The following SAMD10 variants were observed in gnomAD, a reference collection of about 807,000 sequenced individuals.
SAMD10 encodes the protein sterile alpha motif domain containing 10.
A neutral mutation model predicts 22.5 loss-of-function variants in SAMD10; 16 were observed. The observed-to-expected ratio is 0.71, with a 90% CI of 0.48 to 1.08. The LOEUF (loss-of-function observed/expected upper bound fraction) is 1.08, where lower values mean the gene tolerates loss of function less well. Among genes scored for constraint, SAMD10 ranks in the 50% least tolerant of loss-of-function variants. SAMD10 has a pLI of 0.00. For synonymous variants in SAMD10, 118 were observed against 122.2 expected (o/e 0.97, Z 0.23); for missense variants, 227 against 281.3 (o/e 0.81, Z 1.38).
At chr20:63,976,942 C>T (rs1601498801) in intron 3 of SAMD10, 29 bp downstream of exon 3, 16 of 1,612,208 alleles carry the variant, frequency 9.9e-6, no homozygotes, top group Non-Finnish European at 1.3e-5. Context: ...GTTAGCCCCA[C>T]TCCCACAGCA....
At position 63,975,834 on chromosome 20, in the gene SAMD10, T is replaced by C. The variant is rs2122928469; in HGVS notation, c.446-2A>G. On this transcript the variant is annotated splice_acceptor_variant, in intron 3 of 4. Coordinates refer to ENST00000369886, the MANE Select transcript of SAMD10 (RefSeq NM_080621.5). LOFTEE classifies it high-confidence loss of function. The stretch of plus-strand genomic sequence containing the variant: ...CATTCAGCCGCAGCAGTGCCCGGCC[T>C]GGGGAGAGGAAAGAGGGGCTGAGCT... The C allele has an allele frequency of 6.3e-7, 1 of 1,591,228 alleles. No individual in the cohort carries two copies. The highest frequency in any genetic ancestry group is 2.3e-5 in the East Asian group (1 of 44,206).
intron 3 of SAMD10, among the ~76,000 whole-genome samples, chr20:63,976,066 G>A (rs2059020077): frequency 6.6e-6 from 1 of 152,196 alleles, no homozygotes; most frequent in African/African-American, 2.4e-5. Flanking sequence ...CCAGCTACTC[G>A]GGAGGCTGAG....
Position 63,979,312 on chromosome 20 carries a change from C to CCGG in SAMD10, c.91+64_91+65insCCG. ...AGCCCGCCGGGTCCCGCCCCGCCCC[C>CCGG]GTGCCTCTGGGTCCCTGAGACCCCC... On this transcript the variant is annotated intron_variant, in intron 1 of 4. Coordinates refer to ENST00000369886, the MANE Select transcript of SAMD10 (RefSeq NM_080621.5). The surrounding 1 kb of genome is among the most constrained non-coding windows in gnomAD (Gnocchi z 7.7). 8.5e-7 allele frequency: 1 copy of CCGG among 1,171,182 alleles called. No homozygotes were observed. Among genetic ancestry groups the CCGG allele is most frequent in the Non-Finnish European group, 1.1e-6 (1 of 877,368 alleles). 72.5% of individuals were successfully genotyped at this position (1,171,182 alleles called of 1,614,324 possible).
chr20:63,974,993 G>A lies in SAMD10; in HGVS notation c.*517C>T. ...CTCTAGATGATGGGTTGGCCTGCTG[G>A]GCCCTGGCAGGTGCATGGGCACAAG... On this transcript the variant is annotated 3_prime_UTR_variant, in exon 5 of 5. Coordinates refer to ENST00000369886, the MANE Select transcript of SAMD10 (RefSeq NM_080621.5). 5.8e-6 allele frequency: 1 copy of A among 171,806 alleles called. No individual in the cohort carries two copies. Among genetic ancestry groups the A allele is most frequent in the Non-Finnish European group, 1.2e-5 (1 of 81,040 alleles). The allele number at this position is 171,806 out of a possible 1,614,324, so 10.6% of individuals were successfully genotyped here. A position where few individuals can be genotyped will look rare whatever the true frequency, so the allele number is the denominator to read the frequency against.
chr20:63,979,821 C>T, upstream of SAMD10: 1 of 375,170 alleles, frequency 2.7e-6, no homozygotes, highest in Non-Finnish European at 3.7e-6. The surrounding 1 kb of genome is among the most constrained non-coding windows in gnomAD (Gnocchi z 7.7). Flanking sequence ...TGGGGGTGGG[C>T]TGAGGGGCAT....
At chr20:63,976,488 C>T (rs746975555) in intron 3 of SAMD10, among the ~76,000 whole-genome samples, 8 of 151,206 alleles carry the variant, frequency 5.3e-5, no homozygotes, top group Middle Eastern at 3.5e-3. Context: ...GAGGTCCGGA[C>T]GCAGTGGCTC....
chr20:63,979,604 G>T lies in SAMD10; in HGVS notation c.-137C>A. 1.0e-6 allele frequency: 1 copy of T among 984,550 alleles called. No homozygotes were observed. The highest frequency in any genetic ancestry group is 4.6e-5 in the South Asian group (1 of 21,758). The allele number at this position is 984,550 out of a possible 1,614,324, so 61.0% of individuals were successfully genotyped here. A position where few individuals can be genotyped will look rare whatever the true frequency, so the allele number is the denominator to read the frequency against. On this transcript the variant is annotated 5_prime_UTR_variant, in exon 1 of 5. Transcript: ENST00000369886. This position sits in a 1 kb window ranked among gnomAD's most constrained non-coding sequence, Gnocchi z 7.7. ...GCCCGAGCCGGTCCCCGCGGCCCGC[G>T]AGTGTGCGCGACGAGGCACCTGCCG...
At position 63,975,271 on chromosome 20, in the gene SAMD10, T is replaced by G; in HGVS notation, c.*239A>C. 1 of 546,512 alleles carries G rather than the reference T, an allele frequency of 1.8e-6. No individual in the cohort carries two copies. The allele number at this position is 546,512 out of a possible 1,614,324, so 33.9% of individuals were successfully genotyped here. A position where few individuals can be genotyped will look rare whatever the true frequency, so the allele number is the denominator to read the frequency against. On this transcript the variant is annotated 3_prime_UTR_variant, in exon 5 of 5. Coordinates refer to ENST00000369886, the MANE Select transcript of SAMD10 (RefSeq NM_080621.5). ...CACCAGGGGAGGGCTTGGGCTCAGG[T>G]CCCAGGAGGTGGGGCCACACTCAAG...
chr20:63,976,764 C>CAAAAAAAAAAAAAAAAAAAAAAAA lies in SAMD10; in HGVS notation c.445+183_445+206dup, dbSNP rs60461303. On this transcript the variant is annotated intron_variant, in intron 3 of 4. Coordinates refer to ENST00000369886, the MANE Select transcript of SAMD10 (RefSeq NM_080621.5). Reference sequence around the variant, plus strand: ...CAACAGGAGTAAATCTCTGTCTCACCAAAAAAAAAAAAAAAAAAAAAAAAA... The same window carrying CAAAAAAAAAAAAAAAAAAAAAAAA: ...CAACAGGAGTAAATCTCTGTCTCACCAAAAAAAAAAAAAAAAAAAAAAAAAAAAAAAAAAAAAAAAAAAAAAAAA... Among the ~76,000 whole-genome samples, 2 of 63,894 alleles carry CAAAAAAAAAAAAAAAAAAAAAAAA rather than the reference C, an allele frequency of 3.1e-5. 1 individual carries two copies. Among genetic ancestry groups the CAAAAAAAAAAAAAAAAAAAAAAAA allele is most frequent in the African/African-American group, 1.3e-4 (2 of 14,912 alleles). 41.9% of individuals were successfully genotyped at this position (63,894 alleles called of 152,430 possible).
chr20:63,979,181 C>T lies in SAMD10; in HGVS notation c.91+196G>A, dbSNP rs2059045418. 6.6e-6 allele frequency among the ~76,000 whole-genome samples: 1 copy of T among 152,230 alleles called. No individual in the cohort carries two copies. The highest frequency in any genetic ancestry group is 1.5e-5 in the Non-Finnish European group (1 of 67,990). The stretch of plus-strand genomic sequence containing the variant: ...CCCCTCACCCCAAGCCAAGGGCGCG[C>T]TGACCCCCAAGGCCTGAGGCTGGCT... On this transcript the variant is annotated intron_variant, in intron 1 of 4. Coordinates refer to ENST00000369886, the MANE Select transcript of SAMD10 (RefSeq NM_080621.5). This position sits in a 1 kb window ranked among gnomAD's most constrained non-coding sequence, Gnocchi z 7.7.
At chr20:63,975,925 C>T in intron 3 of SAMD10, 93 bp from the exon 4 acceptor site, 3 of 1,377,898 alleles carry the variant, frequency 2.2e-6, no homozygotes, top group Non-Finnish European at 2.8e-6. Context: ...GTGATCCCAG[C>T]ACTTTGGGAG....
intron 1 of SAMD10, among the ~76,000 whole-genome samples, chr20:63,978,580 A>G (rs2059040613): frequency 6.6e-6 from 1 of 152,072 alleles, no homozygotes; most frequent in Non-Finnish European, 1.5e-5. Flanking sequence ...TGAAAACCAC[A>G]TCCTACTTCC....
intron 1 of SAMD10, among the ~76,000 whole-genome samples, chr20:63,978,063 C>T (rs184568135): frequency 1.3e-5 from 2 of 152,394 alleles, no homozygotes; most frequent in African/African-American, 2.4e-5. Context: ...GCCTGCAGCC[C>T]GGGACAACAC....
Position 63,974,272 on chromosome 20 carries a change from CT to C in SAMD10, c.*1237del, listed in dbSNP as rs908508143. The C allele has an allele frequency of 1.3e-5, 2 of 152,560 alleles. No homozygotes were observed. 9.5% of individuals were successfully genotyped at this position (152,560 alleles called of 1,614,324 possible). ...GGCAGAAGGGCCCCTTGGGCGAAGG[CT>C]GATGGTGGGAGGCGGGCAGAATACT... is the stretch of plus-strand genomic sequence containing the variant. On this transcript the variant is annotated 3_prime_UTR_variant, in exon 5 of 5. Coordinates refer to ENST00000369886, the MANE Select transcript of SAMD10 (RefSeq NM_080621.5).
chr20:63,979,295 G>T lies in SAMD10; in HGVS notation c.91+82C>A. 2 of 1,041,566 alleles carry T rather than the reference G, an allele frequency of 1.9e-6. No individual in the cohort carries two copies. The highest frequency in any genetic ancestry group is 1.3e-6 in the Non-Finnish European group (1 of 776,548). 64.5% of individuals were successfully genotyped at this position (1,041,566 alleles called of 1,614,324 possible). On this transcript the variant is annotated intron_variant, in intron 1 of 4. Coordinates refer to ENST00000369886, the MANE Select transcript of SAMD10 (RefSeq NM_080621.5). The surrounding 1 kb of genome is among the most constrained non-coding windows in gnomAD (Gnocchi z 7.7). ...CAGCCACCGCCGCTCGAAGCCCGCCGGGTCCCGCCCCGCCCCCGTGCCTCT... is the reference window on the plus strand; with the variant it reads ...CAGCCACCGCCGCTCGAAGCCCGCCTGGTCCCGCCCCGCCCCCGTGCCTCT...
chr20:63,979,615 A>G lies in SAMD10; in HGVS notation c.-148T>C, dbSNP rs2122949370. The G allele has an allele frequency of 1.0e-6, 1 of 984,706 alleles. No homozygotes were observed. The highest frequency in any genetic ancestry group is 1.2e-6 in the Non-Finnish European group (1 of 829,974). The allele number at this position is 984,706 out of a possible 1,614,324, so 61.0% of individuals were successfully genotyped here. ...TCCCCGCGGCCCGCGAGTGTGCGCG[A>G]CGAGGCACCTGCCGCCGAGCCCTGT... On this transcript the variant is annotated 5_prime_UTR_variant, in exon 1 of 5. Transcript: ENST00000369886. The surrounding 1 kb of genome is among the most constrained non-coding windows in gnomAD (Gnocchi z 7.7).
In SAMD10 at chr20:63,977,135, A is replaced by T. The variant is rs1365506906; in HGVS notation, c.281T>A (p.Leu94Gln). 4.3e-6 allele frequency: 7 copies of T among 1,613,130 alleles called. No homozygotes were observed. Among genetic ancestry groups the T allele is most frequent in the Non-Finnish European group, 5.9e-6 (7 of 1,179,562 alleles). The change falls in exon 3 of 5, where the codon CTG (leucine) becomes CAG (glutamine). Residue 94 changes from leucine (L) to glutamine (Q), a missense_variant. Physicochemically the swap from Leu to Gln is moderately radical, Grantham distance 113. Coordinates refer to ENST00000369886, the MANE Select transcript of SAMD10 (RefSeq NM_080621.5). This position sits in a 1 kb window ranked among gnomAD's most constrained non-coding sequence, Gnocchi z 5.4. ...QPGTDTPQGR[L>Q]YSDHYGLYHT... Reference sequence around the variant, plus strand: ...GTACAGGCCATAGTGGTCAGAGTACAGCCGGCCCTGCAGGGGAGGGGCGTG... The same window carrying T: ...GTACAGGCCATAGTGGTCAGAGTACTGCCGGCCCTGCAGGGGAGGGGCGTG...
chr20:63,977,424 T>C lies in SAMD10; in HGVS notation c.92-18A>G, dbSNP rs772027365. On this transcript the variant is annotated intron_variant, in intron 1 of 4. Transcript: ENST00000369886. This position sits in a 1 kb window ranked among gnomAD's most constrained non-coding sequence, Gnocchi z 5.4. ...GGCAGTGGCTGTGTGTGGGGGTGCCTGGTCAGGGCAGTCAAGGGCAGAACC... is the reference window on the plus strand; with the variant it reads ...GGCAGTGGCTGTGTGTGGGGGTGCCCGGTCAGGGCAGTCAAGGGCAGAACC... 16 of 1,611,120 alleles carry C rather than the reference T, an allele frequency of 9.9e-6. No homozygotes were observed. In the South Asian group the frequency reaches 1.8e-4, roughly 18 times the overall value.
At position 63,979,304 on chromosome 20, in the gene SAMD10, C is replaced by T; in HGVS notation, c.91+73G>A. The T allele has an allele frequency of 8.6e-7, 1 of 1,168,640 alleles. No individual in the cohort carries two copies. Among genetic ancestry groups the T allele is most frequent in the Non-Finnish European group, 1.1e-6 (1 of 880,612 alleles). The allele number at this position is 1,168,640 out of a possible 1,614,324, so 72.4% of individuals were successfully genotyped here. ...CCGCTCGAAGCCCGCCGGGTCCCGC[C>T]CCGCCCCCGTGCCTCTGGGTCCCTG... On this transcript the variant is annotated intron_variant, in intron 1 of 4. Transcript: ENST00000369886. This position sits in a 1 kb window ranked among gnomAD's most constrained non-coding sequence, Gnocchi z 7.7.
Sources: gnomAD v4.1 joint callset for allele counts (sites outside exome capture counted in the v4.1 genomes callset) on GRCh38, gnomAD v4.1.1 for gene constraint, Gnocchi (gnomAD v3.1) non-coding constraint, MANE v1.5 for transcripts, NCBI Gene and HGNC (gene_info 2026-07-23, HGNC 2026-07-21) for gene names.